The following TRHDE variants were observed in gnomAD, a reference collection of about 807,000 sequenced individuals.
TRHDE encodes thyrotropin releasing hormone degrading enzyme.
In TRHDE, 72 loss-of-function variants were observed where a neutral mutation model predicts 125.7. The ratio of observed to expected loss-of-function variants is 0.57; its 90% CI spans 0.47 to 0.70. The LOEUF (loss-of-function observed/expected upper bound fraction) is 0.70. Among genes scored for constraint, TRHDE ranks in the 30% least tolerant of loss-of-function variants. TRHDE has a pLI of 0.00. For missense variants in TRHDE, 1,110 were observed against 1,327.1 expected (o/e 0.84, Z 2.54); for synonymous variants, 509 against 509.1 (o/e 1.00, Z 0.00).
At chr12:72,568,829 A>C (rs1262211144) in intron 10 of TRHDE, among the ~76,000 whole-genome samples, 173 bp downstream of exon 10, 1 of 152,166 alleles carries the variant, frequency 6.6e-6, no homozygotes, top group Non-Finnish European at 1.5e-5. Flanking sequence ...TAAATAGTCT[A>C]ATTTCAGTTT....
intron 2 of TRHDE, among the ~76,000 whole-genome samples, chr12:72,190,870 A>G (rs1308021119): frequency 2.6e-5 from 4 of 152,204 alleles, no homozygotes; most frequent in Non-Finnish European, 4.4e-5. Context: ...ACCATACTAT[A>G]TAAAAATTTG....
intron 18 of TRHDE, among the ~76,000 whole-genome samples, chr12:72,658,599 A>T (rs1874797054): frequency 6.6e-6 from 1 of 152,180 alleles, no homozygotes; most frequent in Non-Finnish European, 1.5e-5. Flanking sequence ...AATATTTTAG[A>T]CATTTAATTG....
chr12:72,449,722 A>G (rs774664404), intron 3 of TRHDE, among the ~76,000 whole-genome samples: 3 of 151,996 alleles, frequency 2.0e-5, no homozygotes, highest in Non-Finnish European at 2.9e-5. Flanking sequence ...GGATTTAACT[A>G]TTGGAAAGGA....
intron 2 of TRHDE, among the ~76,000 whole-genome samples, chr12:72,166,111 C>T (rs940465748): frequency 1.3e-4 from 20 of 152,238 alleles, no homozygotes; most frequent in Admixed American, 3.3e-4. Flanking sequence ...GCTACAAACC[C>T]GTACAGTGCA....
In TRHDE at chr12:72,664,987, A is replaced by C. The variant is rs1875061414; in HGVS notation, c.*1792A>C. ...TTACATGATGTGAATAGGCATGATA[A>C]TACTTTTAGTATAAAATCTAAACTT... is the stretch of plus-strand genomic sequence containing the variant. On this transcript the variant is annotated 3_prime_UTR_variant, in exon 19 of 19. Transcript: ENST00000261180. The C allele has an allele frequency of 1.3e-5, 2 of 152,100 alleles. No homozygotes were observed. The highest frequency in any genetic ancestry group is 4.8e-5 in the African/African-American group (2 of 41,458). 9.4% of individuals were successfully genotyped at this position (152,100 alleles called of 1,614,324 possible).
intron 6 of TRHDE, among the ~76,000 whole-genome samples, chr12:72,515,253 A>G (rs1878790774): frequency 7.2e-6 from 1 of 138,504 alleles, no homozygotes; most frequent in African/African-American, 2.9e-5. Context: ...CAGTCCCACC[A>G]ACAGTGTAAA....
chr12:72,514,320 C>A (rs1292619996), intron 6 of TRHDE, among the ~76,000 whole-genome samples: 1 of 152,034 alleles, frequency 6.6e-6, no homozygotes, highest in African/African-American at 2.4e-5. Context: ...ACACTGGATG[C>A]ATGACTTAGA....
At chr12:72,417,517 G>C (rs572721483) in intron 3 of TRHDE, among the ~76,000 whole-genome samples, 9 of 152,046 alleles carry the variant, frequency 5.9e-5, no homozygotes, top group African/African-American at 2.2e-4. Context: ...GATTCTATCT[G>C]TACCAAGTAT....
chr12:72,092,626 A>G (rs1462824293), intron 1 of TRHDE, among the ~76,000 whole-genome samples: 1 of 152,212 alleles, frequency 6.6e-6, no homozygotes. Context: ...GAAAAGTCCC[A>G]AGACTTAGAC....
chr12:72,425,507 T>C (rs1874145860), intron 3 of TRHDE, among the ~76,000 whole-genome samples: 1 of 152,076 alleles, frequency 6.6e-6, no homozygotes, highest in South Asian at 2.1e-4. Context: ...ATCAAATCAA[T>C]TGAGTTTCCA....
chr12:72,371,060 T>A (rs1871562060), intron 2 of TRHDE, among the ~76,000 whole-genome samples: 1 of 152,138 alleles, frequency 6.6e-6, no homozygotes, highest in Non-Finnish European at 1.5e-5. Flanking sequence ...CCACACATTT[T>A]AAAATAACAT....
chr12:72,669,665 TTAAG>T lies in TRHDE; in HGVS notation c.*6472_*6475del. The T allele has an allele frequency of 6.6e-6, 1 of 151,924 alleles. No homozygotes were observed. Among genetic ancestry groups the T allele is most frequent in the Non-Finnish European group, 1.5e-5 (1 of 67,806 alleles). 9.4% of individuals were successfully genotyped at this position (151,924 alleles called of 1,614,324 possible). ...ACCTACTCAGTGAGAACATTCATTATTAAGTTTTTGCTATTAATTTTCATTTAAA... is the reference window on the plus strand; with the variant it reads ...ACCTACTCAGTGAGAACATTCATTATTTTTTGCTATTAATTTTCATTTAAA... On this transcript the variant is annotated 3_prime_UTR_variant, in exon 19 of 19. Transcript: ENST00000261180.
intron 12 of TRHDE, among the ~76,000 whole-genome samples, chr12:72,578,531 C>A (rs1871103220): frequency 6.6e-6 from 1 of 152,154 alleles, no homozygotes; most frequent in African/African-American, 2.4e-5. Context: ...AGGTGATATT[C>A]TATGGATCTG....
At position 72,657,903 on chromosome 12, in the gene TRHDE, A is replaced by C. The variant is rs554244950; in HGVS notation, c.3066+895A>C. ...TAGCTGATATTTGACATTGAGAATG[A>C]TGGTTTTCTCAGTTTTCACTGACAG... On this transcript the variant is annotated intron_variant, in intron 18 of 18. Transcript: ENST00000261180. 5.3e-5 allele frequency among the ~76,000 whole-genome samples: 8 copies of C among 152,272 alleles called. No homozygotes were observed. The South Asian group carries it at 1.7e-3, about 32-fold the overall frequency.
intron 2 of TRHDE, among the ~76,000 whole-genome samples, chr12:72,333,343 T>C (rs562629062): frequency 6.6e-6 from 1 of 152,332 alleles, no homozygotes; most frequent in African/African-American, 2.4e-5. Context: ...TAAGGAAATA[T>C]ATTTTAGTAG....
At chr12:72,373,108 C>G (rs1438113783) in intron 2 of TRHDE, among the ~76,000 whole-genome samples, 1 of 152,124 alleles carries the variant, frequency 6.6e-6, no homozygotes, top group Admixed American at 6.5e-5. Flanking sequence ...TCCTTCATGT[C>G]CCTTGTAAGT....
chr12:72,568,438 C>G lies in TRHDE; in HGVS notation c.2043-130C>G, dbSNP rs191067971. 2.1e-3 allele frequency: 1,060 copies of G among 512,422 alleles called. 1 individual carries two copies. Among genetic ancestry groups the G allele is most frequent in the Non-Finnish European group, 2.4e-3 (707 of 300,318 alleles). 31.7% of individuals were successfully genotyped at this position (512,422 alleles called of 1,614,324 possible). Reference sequence around the variant, plus strand: ...TTTGACCTATGCCTTACTTTTGTGACCGGAATTATTTTTTTTTAGTTCACC... The same window carrying G: ...TTTGACCTATGCCTTACTTTTGTGAGCGGAATTATTTTTTTTTAGTTCACC... On this transcript the variant is annotated intron_variant, in intron 9 of 18. Coordinates refer to ENST00000261180, the MANE Select transcript of TRHDE (RefSeq NM_013381.3).
At position 72,525,630 on chromosome 12, in the gene TRHDE, T is replaced by C. The variant is rs1212154374; in HGVS notation, c.1723-16661T>C. Among the ~76,000 whole-genome samples the C allele has an allele frequency of 2.0e-5, 3 of 148,466 alleles. No individual in the cohort carries two copies. The South Asian group carries it at 6.4e-4, about 31-fold the overall frequency. ...GTGTGTGTGTGTGTGTGTGTGTGTG[T>C]GTGTGAGAGAGAGAGAGAGAGAGAG... On this transcript the variant is annotated intron_variant, in intron 6 of 18. Transcript: ENST00000261180.
At chr12:72,234,608 A>G (rs1192475196) in intron 2 of TRHDE, among the ~76,000 whole-genome samples, 1 of 152,228 alleles carries the variant, frequency 6.6e-6, no homozygotes, top group Non-Finnish European at 1.5e-5. Context: ...AACGAGAATC[A>G]TTTTTATGAT....
Sources: gnomAD v4.1 joint callset for allele counts (sites outside exome capture counted in the v4.1 genomes callset) on GRCh38, gnomAD v4.1.1 for gene constraint, MANE v1.5 for transcripts, NCBI Gene and HGNC (gene_info 2026-07-23, HGNC 2026-07-21) for gene names.